HCRTR2: variants seen among roughly 807,000 people sequenced by gnomAD.
The protein encoded by HCRTR2 is orexin receptor type 2.
HCRTR2 carries 22 observed loss-of-function variants against 49.0 expected under a neutral mutation model. The observed-to-expected ratio is 0.45, with a 90% CI of 0.32 to 0.64. The LOEUF is 0.64. Ranked by LOEUF, HCRTR2 falls within the 30% of genes least tolerant of loss-of-function variation. HCRTR2 has a pLI of 0.04. For synonymous variants in HCRTR2, 236 were observed against 205.3 expected (o/e 1.15, Z -1.28); for missense variants, 491 against 559.4 (o/e 0.88, Z 1.23).
rs116878253 is a variant in HCRTR2, at chr6:55,249,120, A to T, written c.402+303A>T. On this transcript the variant is annotated intron_variant, in intron 2 of 6. Transcript: ENST00000370862. ...TTTTTTTATTCCAAATTTGATCCCA[A>T]AAGTTTGATTTTGCGCAAACTTTTT... Among the ~76,000 whole-genome samples, 211 of 152,190 alleles carry T rather than the reference A, an allele frequency of 1.4e-3. 2 individuals carry two copies. The East Asian group carries it at 0.025, about 18-fold the overall frequency.
intron 1 of HCRTR2, among the ~76,000 whole-genome samples, chr6:55,119,309 G>T (rs576242196): frequency 2.0e-5 from 3 of 152,184 alleles, no homozygotes; most frequent in East Asian, 1.9e-4. Flanking sequence ...TAATGGGATT[G>T]CTGGGTCAAA....
intron 1 of HCRTR2, among the ~76,000 whole-genome samples, chr6:55,168,560 A>G (rs2127266059): frequency 6.6e-6 from 1 of 152,136 alleles, no homozygotes; most frequent in East Asian, 1.9e-4. Flanking sequence ...CATTTGTAAA[A>G]TTGGAATAAT....
At chr6:55,186,248 G>A (rs188165212) in intron 1 of HCRTR2, among the ~76,000 whole-genome samples, 211 of 152,220 alleles carry the variant, frequency 1.4e-3, no homozygotes, top group African/African-American at 4.5e-3. Flanking sequence ...CTTCCAGCAG[G>A]AGGAATTTTT....
chr6:55,157,220 A>G (rs1764743100), intron 1 of HCRTR2, among the ~76,000 whole-genome samples: 1 of 152,174 alleles, frequency 6.6e-6, no homozygotes, highest in Admixed American at 6.5e-5. Flanking sequence ...TTGTATTTCT[A>G]TACACTAGCA....
intron 1 of HCRTR2, among the ~76,000 whole-genome samples, chr6:55,227,758 A>T (rs1766037612): frequency 6.6e-6 from 1 of 152,190 alleles, no homozygotes; most frequent in Non-Finnish European, 1.5e-5. Flanking sequence ...GACACTAAAA[A>T]GGAAGAGTCA....
At chr6:55,132,778 A>T (rs553004651) in intron 1 of HCRTR2, among the ~76,000 whole-genome samples, 15 of 147,290 alleles carry the variant, frequency 1.0e-4, no homozygotes, top group Non-Finnish European at 1.8e-4. Flanking sequence ...GCTGAAAATT[A>T]TAAAGAGAAA....
At chr6:55,209,771 T>A (rs534898972) in intron 1 of HCRTR2, among the ~76,000 whole-genome samples, 3 of 152,132 alleles carry the variant, frequency 2.0e-5, no homozygotes, top group Admixed American at 6.6e-5. Context: ...TGGCTTAGAT[T>A]TTTTTTTCAT....
At chr6:55,137,363 G>C (rs1581790254) in intron 1 of HCRTR2, among the ~76,000 whole-genome samples, 1 of 152,140 alleles carries the variant, frequency 6.6e-6, no homozygotes, top group African/African-American at 2.4e-5. Flanking sequence ...TGAGATTACG[G>C]ACAATTCTTA....
intron 1 of HCRTR2, among the ~76,000 whole-genome samples, chr6:55,216,613 T>G (rs1283015589): frequency 1.3e-5 from 2 of 152,218 alleles, no homozygotes; most frequent in African/African-American, 4.8e-5. Context: ...TACTCTTTTT[T>G]GGGTCCATGT....
At chr6:55,220,511 C>T (rs1278602322) in intron 1 of HCRTR2, among the ~76,000 whole-genome samples, 3 of 152,202 alleles carry the variant, frequency 2.0e-5, no homozygotes, top group African/African-American at 2.4e-5. Flanking sequence ...AATACCCTTT[C>T]GTAATAAAAA....
At position 55,158,678 on chromosome 6, in the gene HCRTR2, C is replaced by G. The variant is rs35223693; in HGVS notation, c.-377-15533C>G. ...AGCAGTTTTCCCCTCACAGTGTAAA[C>G]AAAGCCACTGGGAAGTTAAAGTAGG... On this transcript the variant is annotated intron_variant, in intron 1 of 7. Transcript: ENST00000615358. Among the ~76,000 whole-genome samples the G allele has an allele frequency of 7.3e-3, 1,113 of 152,340 alleles. 9 individuals are homozygous for G. Among genetic ancestry groups the G allele is most frequent in the Middle Eastern group, 0.031 (9 of 294 alleles).
intron 1 of HCRTR2, among the ~76,000 whole-genome samples, chr6:55,115,389 T>A (rs1199243415): frequency 6.6e-6 from 1 of 151,712 alleles, no homozygotes; most frequent in Non-Finnish European, 1.5e-5. Context: ...GTAGTTGTAT[T>A]AAATTGGGCT....
intron 3 of HCRTR2, among the ~76,000 whole-genome samples, chr6:55,258,737 T>A (rs1450202687): frequency 6.6e-6 from 1 of 152,178 alleles, no homozygotes; most frequent in African/African-American, 2.4e-5. Context: ...AAATGCATAG[T>A]TCTACAGGAA....
chr6:55,258,736 G>A (rs2811240), intron 3 of HCRTR2, among the ~76,000 whole-genome samples: 17 of 152,094 alleles, frequency 1.1e-4, no homozygotes, highest in African/African-American at 4.1e-4. Flanking sequence ...TAAATGCATA[G>A]TTCTACAGGA....
At chr6:55,143,779 T>C (rs536833252) in intron 1 of HCRTR2, among the ~76,000 whole-genome samples, 2 of 152,296 alleles carry the variant, frequency 1.3e-5, no homozygotes, top group Non-Finnish European at 2.9e-5. Context: ...AGCACCATGT[T>C]CAGGATCACT....
chr6:55,110,547 A>G (rs1764034606), intron 1 of HCRTR2, among the ~76,000 whole-genome samples: 1 of 152,118 alleles, frequency 6.6e-6, no homozygotes. Context: ...TTCCATGCAA[A>G]TGGACACCAA....
At chr6:55,173,559 A>T (rs1438166627), upstream of HCRTR2, among the ~76,000 whole-genome samples, 1 of 152,218 alleles carries the variant, frequency 6.6e-6, no homozygotes, top group East Asian at 1.9e-4. Context: ...ATCAGCCCTG[A>T]ATCAATGGGA....
At chr6:55,144,734 T>C (rs149172494) in intron 1 of HCRTR2, among the ~76,000 whole-genome samples, 1,719 of 152,204 alleles carry the variant, frequency 0.011, 18 homozygotes, top group Non-Finnish European at 0.014. Flanking sequence ...TAGAGGATCT[T>C]TGGCTCAGGA....
At chr6:55,263,148 A>T (rs370637570) in intron 3 of HCRTR2, among the ~76,000 whole-genome samples, 10 of 152,056 alleles carry the variant, frequency 6.6e-5, no homozygotes, top group African/African-American at 2.2e-4. Flanking sequence ...AAAAATAATC[A>T]TTGTCAAATT....
Sources: gnomAD v4.1 joint callset for allele counts (sites outside exome capture counted in the v4.1 genomes callset) on GRCh38, gnomAD v4.1.1 for gene constraint, MANE v1.5 for transcripts, NCBI Gene and HGNC (gene_info 2026-07-23, HGNC 2026-07-21) for gene names.